Variants in MALRD1 observed in about 807,000 individuals in gnomAD.
The protein encoded by MALRD1 is MAM and LDL receptor class A domain containing 1.
Under a neutral mutation model 242.1 loss-of-function variants are expected in MALRD1, and 247 were observed. That is an observed-to-expected ratio of 1.02 (90% CI 0.92 to 1.13). The LOEUF (loss-of-function observed/expected upper bound fraction) is 1.13. MALRD1 is among the 50% of genes most tolerant of loss of function. MALRD1 has a pLI of 0.00. For synonymous variants in MALRD1, 995 were observed against 866.6 expected (o/e 1.15, Z -2.60); for missense variants, 2,989 against 2,533.1 (o/e 1.18, Z -3.86).
intron 36 of MALRD1, among the ~76,000 whole-genome samples, chr10:19,641,843 A>G (rs1485000816): frequency 6.6e-6 from 1 of 152,180 alleles, no homozygotes. Flanking sequence ...GTGAAATTGT[A>G]AATTTAATGC....
chr10:19,558,811 G>T (rs1392086237), intron 32 of MALRD1, among the ~76,000 whole-genome samples: 1 of 151,984 alleles, frequency 6.6e-6, no homozygotes, highest in Non-Finnish European at 1.5e-5. Flanking sequence ...GTTTTTTCTT[G>T]TGTAAATTTC....
At chr10:19,110,715 A>G (rs905925495) in intron 5 of MALRD1, among the ~76,000 whole-genome samples, 1 of 152,164 alleles carries the variant, frequency 6.6e-6, no homozygotes, top group Admixed American at 6.5e-5. Context: ...AAGCCAGCTT[A>G]GTTTTAATGA....
At chr10:19,441,315 C>A (rs1327561390) in intron 28 of MALRD1, among the ~76,000 whole-genome samples, 1 of 152,138 alleles carries the variant, frequency 6.6e-6, no homozygotes, top group Non-Finnish European at 1.5e-5. Flanking sequence ...ATGGTAGTTT[C>A]TTTTGCTGTG....
intron 36 of MALRD1, among the ~76,000 whole-genome samples, chr10:19,652,854 A>C (rs1840958728): frequency 6.6e-6 from 1 of 152,216 alleles, no homozygotes; most frequent in African/African-American, 2.4e-5. Context: ...CAGAGACTCA[A>C]ACCAAAGACA....
At chr10:19,377,517 A>G (rs1288863762) in intron 26 of MALRD1, among the ~76,000 whole-genome samples, 1 of 152,056 alleles carries the variant, frequency 6.6e-6, no homozygotes, top group Non-Finnish European at 1.5e-5. Context: ...TAGTTTTTTC[A>G]TCTGTAAAAT....
At chr10:19,200,151 G>A (rs72786533) in intron 14 of MALRD1, among the ~76,000 whole-genome samples, 21,288 of 151,794 alleles carry the variant, frequency 0.14, 1,571 homozygotes, top group Middle Eastern at 0.21. Flanking sequence ...AATAAAACAG[G>A]GACAATAATA....
At chr10:19,083,219 G>T (rs1330956975) in intron 2 of MALRD1, among the ~76,000 whole-genome samples, 1 of 151,994 alleles carries the variant, frequency 6.6e-6, no homozygotes, top group East Asian at 1.9e-4. Context: ...TTTTGCTGAG[G>T]GATTCTGTGT....
chr10:19,110,394 T>A (rs571859398), intron 5 of MALRD1, among the ~76,000 whole-genome samples: 1 of 152,316 alleles, frequency 6.6e-6, no homozygotes, highest in Admixed American at 6.5e-5. Flanking sequence ...GTGCTCAGCA[T>A]TTATCAGGCG....
At chr10:19,445,361 G>A (rs76253076) in intron 28 of MALRD1, among the ~76,000 whole-genome samples, 1 of 152,164 alleles carries the variant, frequency 6.6e-6, no homozygotes, top group Admixed American at 6.6e-5. Context: ...CTGACTAGGA[G>A]CTGCGTTCCT....
chr10:19,531,484 C>A (rs1834415292), intron 32 of MALRD1, 133 bp downstream of exon 32: 1 of 891,192 alleles, frequency 1.1e-6, no homozygotes, highest in Non-Finnish European at 1.6e-6. Context: ...TCATTTCTTT[C>A]TGGGGCAGTG....
Position 19,498,493 on chromosome 10 carries a change from AC to A in MALRD1, c.5168del (p.Thr1723LysfsTer43). On this transcript the variant is annotated frameshift_variant, in exon 31 of 40. Coordinates refer to ENST00000454679, the MANE Select transcript of MALRD1 (RefSeq NM_001142308.3). LOFTEE classifies it high-confidence loss of function. ...RSDEAHCAHY[T>X]STTGSCNFET... ...TGTTTTTGCTTCCCCAGCACATTAT[AC>A]AAGCACAACAGGAAGCTGCAATTTT... The A allele has an allele frequency of 1.1e-5, 17 of 1,549,942 alleles. No homozygotes were observed. The highest frequency in any genetic ancestry group is 1.5e-5 in the Non-Finnish European group (17 of 1,146,526).
rs139500794 is a variant in MALRD1, at chr10:19,323,058, T to C, written c.3420-891T>C. 4.7e-3 allele frequency among the ~76,000 whole-genome samples: 717 copies of C among 152,298 alleles called. 6 individuals are homozygous for C. The highest frequency in any genetic ancestry group is 5.9e-3 in the Non-Finnish European group (401 of 68,016). On this transcript the variant is annotated intron_variant, in intron 21 of 39. Transcript: ENST00000454679. The stretch of plus-strand genomic sequence containing the variant: ...ATGGCAAAAAAAAATCGTATTTAAT[T>C]GTTTCCATCATTATTTTTCCTTTTT...
chr10:19,303,688 T>C (rs1421184610), intron 21 of MALRD1, among the ~76,000 whole-genome samples: 1 of 151,762 alleles, frequency 6.6e-6, no homozygotes, highest in East Asian at 1.9e-4. Context: ...TTCATTAATA[T>C]ATACAAATCT....
intron 29 of MALRD1, among the ~76,000 whole-genome samples, chr10:19,470,558 A>G (rs1444638290): frequency 6.6e-6 from 1 of 151,990 alleles, no homozygotes. Flanking sequence ...ATTTTCACCA[A>G]CAGTGTGCAA....
At chr10:19,511,130 A>G (rs1833384081) in intron 31 of MALRD1, among the ~76,000 whole-genome samples, 1 of 152,252 alleles carries the variant, frequency 6.6e-6, no homozygotes, top group African/African-American at 2.4e-5. Flanking sequence ...AAGCCAGGAA[A>G]GGAGTGTTCT....
intron 38 of MALRD1, among the ~76,000 whole-genome samples, chr10:19,703,475 C>T (rs1381111812): frequency 6.6e-6 from 1 of 152,184 alleles, no homozygotes; most frequent in African/African-American, 2.4e-5. Context: ...ATCCTCATGG[C>T]TTAAAATACT....
intron 35 of MALRD1, among the ~76,000 whole-genome samples, chr10:19,608,497 C>T (rs1163833998): frequency 6.6e-6 from 1 of 151,756 alleles, no homozygotes. Flanking sequence ...AACATCTCTC[C>T]TGAGTAGATG....
intron 28 of MALRD1, among the ~76,000 whole-genome samples, chr10:19,414,895 C>A (rs1833448760): frequency 6.6e-6 from 1 of 152,060 alleles, no homozygotes; most frequent in Admixed American, 6.6e-5. Context: ...TTACTACAGG[C>A]CAAAGACTAC....
At position 19,351,986 on chromosome 10, in the gene MALRD1, A is replaced by G. The variant is rs776553649; in HGVS notation, c.4150-20A>G. On this transcript the variant is annotated intron_variant, in intron 25 of 39. Coordinates refer to ENST00000454679, the MANE Select transcript of MALRD1 (RefSeq NM_001142308.3). ...TTATACTAATCATATCGTATGTAATATTCCTATTCTTGATTACAGATTATT... is the reference window on the plus strand; with the variant it reads ...TTATACTAATCATATCGTATGTAATGTTCCTATTCTTGATTACAGATTATT... 3.9e-5 allele frequency: 59 copies of G among 1,511,018 alleles called. 1 individual carries two copies. The South Asian group carries it at 7.0e-4, about 18-fold the overall frequency. 93.6% of individuals were successfully genotyped at this position (1,511,018 alleles called of 1,614,324 possible). A position where few individuals can be genotyped will look rare whatever the true frequency, so the allele number is the denominator to read the frequency against.
Sources: gnomAD v4.1 joint callset for allele counts (sites outside exome capture counted in the v4.1 genomes callset) on GRCh38, gnomAD v4.1.1 for gene constraint, MANE v1.5 for transcripts, NCBI Gene and HGNC (gene_info 2026-07-23, HGNC 2026-07-21) for gene names.